SMIM36: variants seen among roughly 807,000 people sequenced by gnomAD.
The protein encoded by SMIM36 is small integral membrane protein 36.
chr17:55,455,481 C>T lies in SMIM36; in HGVS notation c.*532-5183G>A, dbSNP rs186179474. On this transcript the variant is annotated intron_variant, in intron 4 of 4. Transcript: ENST00000636752. ...CACTGTCACCTTAGCCTTCCGTAAT[C>T]GCTTAAAATCTATTAATATCATTTG... 1.1e-3 allele frequency among the ~76,000 whole-genome samples: 162 copies of T among 151,846 alleles called. 1 individual carries two copies. The highest frequency in any genetic ancestry group is 3.9e-3 in the African/African-American group (160 of 41,426).
chr17:55,460,033 G>T (rs1909109724), intron 4 of SMIM36, among the ~76,000 whole-genome samples: 1 of 152,022 alleles, frequency 6.6e-6, no homozygotes, highest in African/African-American at 2.4e-5. Flanking sequence ...TGAACAAATT[G>T]TTACTATGTA....
chr17:55,463,457 C>T (rs1909180203), intron 4 of SMIM36, among the ~76,000 whole-genome samples: 1 of 152,124 alleles, frequency 6.6e-6, no homozygotes, highest in South Asian at 2.1e-4. Context: ...TTGGCTGAGG[C>T]AAGAGGATTG....
At chr17:55,530,980 T>C in the SMIM36 span, among the ~76,000 whole-genome samples, 6 of 152,186 alleles carry the variant, frequency 3.9e-5, no homozygotes, top group Non-Finnish European at 8.8e-5. Context: ...TACCTAATAA[T>C]AATGATTTAA....
chr17:55,491,966 T>C (rs540808282), intron 1 of SMIM36, among the ~76,000 whole-genome samples: 42 of 152,078 alleles, frequency 2.8e-4, no homozygotes, highest in African/African-American at 9.2e-4. Context: ...GAGACCATCC[T>C]GGTTAACACA....
At chr17:55,517,645 C>T in the SMIM36 span, among the ~76,000 whole-genome samples, 435 of 152,202 alleles carry the variant, frequency 2.9e-3, 2 homozygotes, top group African/African-American at 9.2e-3. Context: ...GTGAACAACT[C>T]GGGTATATGG....
intron 3 of SMIM36, among the ~76,000 whole-genome samples, chr17:55,478,329 G>A (rs1909461653): frequency 6.6e-6 from 1 of 151,706 alleles, no homozygotes; most frequent in South Asian, 2.1e-4. Flanking sequence ...GACTTCCCAG[G>A]CTCAAGTGAT....
chr17:55,526,400 C>T, the SMIM36 span, among the ~76,000 whole-genome samples: 2 of 152,108 alleles, frequency 1.3e-5, no homozygotes, highest in Non-Finnish European at 1.5e-5. Context: ...CTCAGGTGAT[C>T]CACCCGTCTC....
At chr17:55,456,276 C>T (rs1249339891) in intron 4 of SMIM36, among the ~76,000 whole-genome samples, 2 of 151,302 alleles carry the variant, frequency 1.3e-5, no homozygotes, top group East Asian at 1.9e-4. Context: ...ATACAAGTCA[C>T]ATCCATAGTT....
rs1909923143 is a variant in SMIM36 at position 55,501,009 on chromosome 17, A to ATAATATATAATATACTATT, written c.*174+9869_*174+9870insAATAGTATATTATATATTA. On this transcript the variant is annotated intron_variant, in intron 1 of 4. Coordinates refer to ENST00000636752, the Ensembl canonical transcript of SMIM36. ...TATATATTATAATATGTAACATATT[A>ATAATATATAATATACTATT]TTATATTTTGTAATATATAATATAT... Among the ~76,000 whole-genome samples, 4 of 60,880 alleles carry ATAATATATAATATACTATT rather than the reference A, an allele frequency of 6.6e-5. 2 individuals are homozygous for ATAATATATAATATACTATT. The highest frequency in any genetic ancestry group is 1.0e-4 in the Non-Finnish European group (4 of 38,652). 39.9% of individuals were successfully genotyped at this position (60,880 alleles called of 152,430 possible).
chr17:55,499,348 A>C (rs1909869160), intron 1 of SMIM36, among the ~76,000 whole-genome samples: 1 of 152,084 alleles, frequency 6.6e-6, no homozygotes, highest in Non-Finnish European at 1.5e-5. Flanking sequence ...GCTGTGAAAA[A>C]ACAGATGGTA....
intron 1 of SMIM36, among the ~76,000 whole-genome samples, chr17:55,503,583 A>G (rs1162097559): frequency 6.8e-6 from 1 of 147,976 alleles, no homozygotes; most frequent in East Asian, 2.0e-4. Flanking sequence ...AGCGCTAAAC[A>G]TGGAAAGGAA....
intron 3 of SMIM36, among the ~76,000 whole-genome samples, chr17:55,474,815 G>A (rs1909402334): frequency 6.6e-6 from 1 of 152,136 alleles, no homozygotes; most frequent in Non-Finnish European, 1.5e-5. Flanking sequence ...CACCCCACTA[G>A]GAACTATGTT....
At position 55,495,182 on chromosome 17, in the gene SMIM36, C is replaced by T. The variant is rs148667545; in HGVS notation, c.*175-15602G>A. On this transcript the variant is annotated intron_variant, in intron 1 of 4. Transcript: ENST00000636752. ...ATTCTTTGCATGTTTACCGGACCTC[C>T]ACCTGTATCTGTGCTATACAAGCAA... Among the ~76,000 whole-genome samples the T allele has an allele frequency of 1.3e-4, 20 of 152,316 alleles. 1 individual carries two copies. In the East Asian group the frequency reaches 3.7e-3, roughly 28 times the overall value.
intron 1 of SMIM36, among the ~76,000 whole-genome samples, chr17:55,481,587 C>T (rs1328346592): frequency 4.6e-5 from 7 of 152,092 alleles, no homozygotes; most frequent in Admixed American, 2.0e-4. Flanking sequence ...TTAGGAAGCA[C>T]GGGTATAAGT....
exon 1 of SMIM36, chr17:55,511,066 C>T: frequency 5.0e-6 from 2 of 398,558 alleles, no homozygotes; most frequent in Admixed American, 4.4e-5. Flanking sequence ...TACCATGGTG[C>T]TTTTCTTTCC....
chr17:55,518,370 T>A, the SMIM36 span, among the ~76,000 whole-genome samples: 1 of 152,166 alleles, frequency 6.6e-6, no homozygotes, highest in African/African-American at 2.4e-5. Context: ...CACTGTTGAA[T>A]TGGGGATTAA....
At chr17:55,523,161 G>C in the SMIM36 span, among the ~76,000 whole-genome samples, 6 of 152,048 alleles carry the variant, frequency 3.9e-5, no homozygotes, top group African/African-American at 1.2e-4. Context: ...TTACCATGAG[G>C]CCATTAAGGT....
At chr17:55,486,841 C>G (rs1197350231) in intron 1 of SMIM36, among the ~76,000 whole-genome samples, 1 of 152,174 alleles carries the variant, frequency 6.6e-6, no homozygotes, top group African/African-American at 2.4e-5. Flanking sequence ...CTAATATCAG[C>G]TCCCTCAAAA....
chr17:55,458,362 T>A (rs1380348154), intron 4 of SMIM36: 1 of 151,736 alleles, frequency 6.6e-6, no homozygotes, highest in Non-Finnish European at 1.5e-5. Flanking sequence ...AATATGGGAG[T>A]GCTGGGAAGG....
Sources: allele counts gnomAD v4.1 joint callset (sites outside exome capture counted in the v4.1 genomes callset), GRCh38; gene constraint gnomAD v4.1.1; transcripts MANE v1.5; gene names NCBI Gene and HGNC (gene_info 2026-07-23, HGNC 2026-07-21).